GALNT13: variants seen among roughly 807,000 people sequenced by gnomAD.
GALNT13 encodes polypeptide N-acetylgalactosaminyltransferase 13.
GALNT13 carries 28 observed loss-of-function variants against 64.2 expected under a neutral mutation model. That is an observed-to-expected ratio of 0.44 (90% CI 0.32 to 0.60). The LOEUF (loss-of-function observed/expected upper bound fraction) is 0.60. Among genes scored for constraint, GALNT13 ranks in the 20% least tolerant of loss-of-function variants. The probability of loss-of-function intolerance (pLI) is 0.05; values close to 1 mark genes in which losing one functional copy is unlikely to be tolerated. For missense variants in GALNT13, 577 were observed against 669.8 expected (o/e 0.86, Z 1.53); for synonymous variants, 214 against 224.6 (o/e 0.95, Z 0.42).
chr2:153,706,404 C>A, the GALNT13 span, among the ~76,000 whole-genome samples: 2 of 152,200 alleles, frequency 1.3e-5, no homozygotes, highest in African/African-American at 2.4e-5. Flanking sequence ...AAGCCCACTA[C>A]AAAGTTGTCT....
chr2:154,183,588 T>C (rs557409453), intron 4 of GALNT13, among the ~76,000 whole-genome samples: 1 of 152,148 alleles, frequency 6.6e-6, no homozygotes, highest in Admixed American at 6.6e-5. Context: ...AGTGCATGCC[T>C]CTAGTCCCAG....
chr2:154,364,555 A>C (rs1183898976), intron 9 of GALNT13, among the ~76,000 whole-genome samples: 1 of 152,230 alleles, frequency 6.6e-6, no homozygotes, highest in Non-Finnish European at 1.5e-5. Flanking sequence ...CCTTTCTTAA[A>C]ATGCGGTTAT....
chr2:153,833,441 A>C, the GALNT13 span, among the ~76,000 whole-genome samples: 2 of 152,164 alleles, frequency 1.3e-5, no homozygotes. Context: ...AAGAACAAAA[A>C]TTGTAACTTG....
chr2:154,425,886 G>A (rs948694694), intron 11 of GALNT13, among the ~76,000 whole-genome samples: 7 of 152,188 alleles, frequency 4.6e-5, no homozygotes, highest in African/African-American at 1.7e-4. Flanking sequence ...CATGGGAGAT[G>A]ATGTCTCACA....
chr2:153,913,199 T>C (rs559820622), intron 2 of GALNT13, among the ~76,000 whole-genome samples: 2 of 152,198 alleles, frequency 1.3e-5, no homozygotes, highest in African/African-American at 2.4e-5. Flanking sequence ...TTGGCAGCAG[T>C]GTCAGTGCAA....
the GALNT13 span, among the ~76,000 whole-genome samples, chr2:153,843,653 G>C: frequency 6.6e-6 from 1 of 152,132 alleles, no homozygotes. Flanking sequence ...AAAATCCAAG[G>C]TTTCATGTGT....
intron 3 of GALNT13, among the ~76,000 whole-genome samples, chr2:154,024,676 G>T (rs1455085268): frequency 6.6e-6 from 1 of 152,046 alleles, no homozygotes. Context: ...ATCGTCTGAA[G>T]CCTTCTTCTC....
At chr2:153,712,706 G>A in the GALNT13 span, among the ~76,000 whole-genome samples, 315 of 152,150 alleles carry the variant, frequency 2.1e-3, 1 homozygote, top group African/African-American at 6.4e-3. Flanking sequence ...TGAGGTATAC[G>A]ACATGGAAAT....
At chr2:153,074,146 T>C in the GALNT13 span, among the ~76,000 whole-genome samples, 1 of 152,228 alleles carries the variant, frequency 6.6e-6, no homozygotes, top group Non-Finnish European at 1.5e-5. Flanking sequence ...CATTAACTTA[T>C]TAAGAATTGC....
the GALNT13 span, among the ~76,000 whole-genome samples, chr2:153,773,245 G>A: frequency 6.6e-6 from 1 of 152,214 alleles, no homozygotes; most frequent in Admixed American, 6.5e-5. Context: ...ATGCTCAGTA[G>A]CAATGACAGG....
intron 3 of GALNT13, among the ~76,000 whole-genome samples, chr2:154,108,461 A>C (rs752603205): frequency 6.6e-6 from 1 of 151,692 alleles, no homozygotes; most frequent in South Asian, 2.1e-4. Context: ...TGTGCTGTTG[A>C]GTTCTTTCAA....
intron 8 of GALNT13, among the ~76,000 whole-genome samples, chr2:154,277,695 C>G (rs1166137955): frequency 2.0e-5 from 3 of 152,086 alleles, no homozygotes; most frequent in Non-Finnish European, 4.4e-5. Flanking sequence ...GTAATTACTA[C>G]TGAGAAATTA....
At chr2:154,435,172 C>T (rs986147721) in intron 11 of GALNT13, among the ~76,000 whole-genome samples, 17 of 151,872 alleles carry the variant, frequency 1.1e-4, no homozygotes, top group African/African-American at 3.4e-4. Context: ...TATTGGTAAC[C>T]GATGATAAAG....
intron 4 of GALNT13, among the ~76,000 whole-genome samples, chr2:154,173,174 C>T (rs1001760884): frequency 1.3e-5 from 2 of 151,738 alleles, no homozygotes; most frequent in African/African-American, 2.4e-5. Context: ...TATAAATCCA[C>T]GTATTTACAA....
At chr2:153,691,281 T>A in the GALNT13 span, among the ~76,000 whole-genome samples, 3 of 152,172 alleles carry the variant, frequency 2.0e-5, no homozygotes, top group Non-Finnish European at 4.4e-5. Flanking sequence ...TATTTTTTGC[T>A]GGAAATCAGA....
chr2:154,123,866 G>A (rs750131477), intron 3 of GALNT13, among the ~76,000 whole-genome samples: 38 of 152,154 alleles, frequency 2.5e-4, no homozygotes, highest in Admixed American at 8.5e-4. Context: ...GAGAATTTGC[G>A]TGGGCTTCAC....
At chr2:153,566,620 C>T in the GALNT13 span, among the ~76,000 whole-genome samples, 1 of 152,158 alleles carries the variant, frequency 6.6e-6, no homozygotes, top group Admixed American at 6.5e-5. Flanking sequence ...TCCCAAAGTG[C>T]TGGGATTACA....
At chr2:153,884,479 T>C (rs548798983) in intron 1 of GALNT13, among the ~76,000 whole-genome samples, 1 of 151,948 alleles carries the variant, frequency 6.6e-6, no homozygotes, top group Admixed American at 6.6e-5. Flanking sequence ...TAAAGAAATA[T>C]AAATTCTTGG....
At chr2:153,362,519 C>T in the GALNT13 span, among the ~76,000 whole-genome samples, 12 of 118,440 alleles carry the variant, frequency 1.0e-4, no homozygotes, top group East Asian at 5.3e-4. Flanking sequence ...GAAAATTATA[C>T]GGATGGAGGA....
Sources: allele counts gnomAD v4.1 joint callset (sites outside exome capture counted in the v4.1 genomes callset), GRCh38; gene constraint gnomAD v4.1.1; transcripts MANE v1.5; gene names NCBI Gene and HGNC (gene_info 2026-07-23, HGNC 2026-07-21).